The following ITGA8 variants were observed in gnomAD, a reference collection of about 807,000 sequenced individuals.
ITGA8 encodes the protein integrin subunit alpha 8, also known as integrin alpha-8.
In ITGA8, 91 loss-of-function variants were observed where a neutral mutation model predicts 142.3. That is an observed-to-expected ratio of 0.64 (90% CI 0.54 to 0.76). The LOEUF (loss-of-function observed/expected upper bound fraction) is 0.76, where lower values mean the gene tolerates loss of function less well. Ranked by LOEUF, ITGA8 falls within the 30% of genes least tolerant of loss-of-function variation. The pLI is 0.00. For synonymous variants in ITGA8, 505 were observed against 485.2 expected (o/e 1.04, Z -0.54); for missense variants, 1,406 against 1,327.7 (o/e 1.06, Z -0.92).
chr10:15,678,757 A>G lies in ITGA8; in HGVS notation c.595T>C (p.Tyr199His), dbSNP rs200196309. The G allele has an allele frequency of 2.5e-6, 4 of 1,610,686 alleles. No homozygotes were observed. In the East Asian group the frequency reaches 6.7e-5, roughly 27 times the overall value. ...NSNADPEGQG[Y>H]CQAGFSLDFY... ...TCCAGACTAAATCCTGCTTGGCAGTAACCCTGGCCTTCCGGATCAGCATTG... is the reference window on the plus strand; with the variant it reads ...TCCAGACTAAATCCTGCTTGGCAGTGACCCTGGCCTTCCGGATCAGCATTG... Residue 199 changes from tyrosine to histidine, a missense_variant, in exon 5 of 30, where the codon TAC becomes CAC. Physicochemically the swap from Tyr to His is moderately conservative, Grantham distance 83. Transcript: ENST00000378076.
At chr10:15,606,702 C>T (rs753379128) in intron 17 of ITGA8, among the ~76,000 whole-genome samples, 1 of 152,108 alleles carries the variant, frequency 6.6e-6, no homozygotes, top group African/African-American at 2.4e-5. Context: ...TCATGCAGAA[C>T]TGGTCAAGTT....
chr10:15,562,799 C>T (rs373384052), intron 25 of ITGA8, among the ~76,000 whole-genome samples: 4 of 152,156 alleles, frequency 2.6e-5, no homozygotes, highest in African/African-American at 4.8e-5. Flanking sequence ...AGAACCATGG[C>T]AGAGCCTGGC....
At chr10:15,670,084 C>T (rs1234706513) in intron 8 of ITGA8, among the ~76,000 whole-genome samples, 1 of 152,218 alleles carries the variant, frequency 6.6e-6, no homozygotes, top group East Asian at 1.9e-4. Context: ...GTCGCTCATG[C>T]TGGGAGCTGT....
chr10:15,637,509 T>TG (rs1833792236), intron 13 of ITGA8, among the ~76,000 whole-genome samples: 1 of 142,572 alleles, frequency 7.0e-6, no homozygotes, highest in African/African-American at 2.5e-5. Context: ...TTTAAATTTT[T>TG]TTTTTTTTTT....
chr10:15,707,805 A>G (rs1835287088), intron 2 of ITGA8, among the ~76,000 whole-genome samples: 1 of 151,188 alleles, frequency 6.6e-6, no homozygotes, highest in Non-Finnish European at 1.5e-5. Context: ...CCTCGGTGAC[A>G]GAGTGAGTTT....
intron 13 of ITGA8, among the ~76,000 whole-genome samples, chr10:15,628,819 A>C (rs1013066167): frequency 5.9e-5 from 9 of 151,946 alleles, no homozygotes; most frequent in African/African-American, 2.2e-4. Context: ...TGTGTATCAA[A>C]ATATCTCATG....
chr10:15,667,219 A>G (rs1214689284), intron 8 of ITGA8, among the ~76,000 whole-genome samples: 1 of 152,152 alleles, frequency 6.6e-6, no homozygotes, highest in Admixed American at 6.5e-5. Flanking sequence ...CTATTCAGAG[A>G]TTCAACTTCT....
chr10:15,613,713 G>A lies in ITGA8; in HGVS notation c.1500C>T (p.Ile500=). The A allele has an allele frequency of 6.2e-7, 1 of 1,614,166 alleles. No homozygotes were observed. The highest frequency in any genetic ancestry group is 8.5e-7 in the Non-Finnish European group (1 of 1,180,000). ...DAQLLLHPMI[I]NLENKTCQVP... ...CCTGGCAAGTTTTATTTTCAAGATT[G>A]ATAATCATTGGGTGCAGCAGAAGCT... Residue 500 remains isoleucine (I), a synonymous_variant, in exon 15 of 30, where the codon ATC becomes ATT. Coordinates refer to ENST00000378076, the MANE Select transcript of ITGA8 (RefSeq NM_003638.3).
At chr10:15,645,790 A>G (rs1003595975) in intron 12 of ITGA8, among the ~76,000 whole-genome samples, 8 of 152,134 alleles carry the variant, frequency 5.3e-5, no homozygotes, top group African/African-American at 1.9e-4. Context: ...AAATGCATAC[A>G]TTTTCAGGTC....
intron 27 of ITGA8, among the ~76,000 whole-genome samples, chr10:15,539,871 TG>T (rs1833533015): frequency 1.3e-5 from 2 of 152,184 alleles, no homozygotes; most frequent in Non-Finnish European, 2.9e-5. Context: ...GTGTCAAGGG[TG>T]GGGCCGGGTG....
intron 11 of ITGA8, among the ~76,000 whole-genome samples, chr10:15,647,663 C>T (rs961500901): frequency 1.5e-4 from 22 of 151,548 alleles, no homozygotes; most frequent in African/African-American, 5.3e-4. Context: ...GGGGTTTCAC[C>T]TTGTTAGCCA....
intron 27 of ITGA8, among the ~76,000 whole-genome samples, chr10:15,532,686 T>C (rs1213131098): frequency 6.6e-6 from 1 of 151,964 alleles, no homozygotes; most frequent in Non-Finnish European, 1.5e-5. Flanking sequence ...TGGTTCGATC[T>C]ACCCAGTGCT....
At chr10:15,632,112 A>G (rs574777699) in intron 13 of ITGA8, among the ~76,000 whole-genome samples, 38 of 151,944 alleles carry the variant, frequency 2.5e-4, no homozygotes, top group Non-Finnish European at 2.5e-4. Context: ...AATAATAAGG[A>G]TTTATTACTT....
chr10:15,553,613 T>C (rs1219819339), intron 26 of ITGA8, among the ~76,000 whole-genome samples: 1 of 152,210 alleles, frequency 6.6e-6, no homozygotes, highest in Admixed American at 6.5e-5. Flanking sequence ...AGTAAAACTC[T>C]TGAAAACTTC....
chr10:15,656,600 G>C (rs149627478), intron 10 of ITGA8, among the ~76,000 whole-genome samples: 1,707 of 152,168 alleles, frequency 0.011, 25 homozygotes, highest in African/African-American at 0.038. Flanking sequence ...CTGACCTCAG[G>C]TGATCCACCC....
chr10:15,719,193 C>T lies in ITGA8; in HGVS notation c.210-294G>A, dbSNP rs141402744. Among the ~76,000 whole-genome samples the T allele has an allele frequency of 1.9e-4, 29 of 152,240 alleles. 1 individual carries two copies. In the East Asian group the frequency reaches 5.6e-3, roughly 29 times the overall value. On this transcript the variant is annotated intron_variant, in intron 1 of 29. Coordinates refer to ENST00000378076, the MANE Select transcript of ITGA8 (RefSeq NM_003638.3). The stretch of plus-strand genomic sequence containing the variant: ...AGGACAGAGCCCAGCTGCTGGTAGC[C>T]GACAGCTCTTGCGCCCAGACGCAAT...
chr10:15,547,923 C>A (rs1045590677), intron 27 of ITGA8, among the ~76,000 whole-genome samples: 1 of 152,158 alleles, frequency 6.6e-6, no homozygotes, highest in Non-Finnish European at 1.5e-5. Flanking sequence ...CTGATCTATT[C>A]TCAAGGTCTT....
At chr10:15,651,146 T>C (rs1255734322) in intron 11 of ITGA8, among the ~76,000 whole-genome samples, 1 of 152,050 alleles carries the variant, frequency 6.6e-6, no homozygotes, top group African/African-American at 2.4e-5. Flanking sequence ...AAATTGTAAT[T>C]CAGTGAATTT....
At chr10:15,708,985 G>A (rs1047159449) in intron 2 of ITGA8, among the ~76,000 whole-genome samples, 9 of 152,134 alleles carry the variant, frequency 5.9e-5, no homozygotes, top group Non-Finnish European at 8.8e-5. Flanking sequence ...CCAAAGATAC[G>A]AGGTTGTTTC....
Sources: gnomAD v4.1 joint callset for allele counts (sites outside exome capture counted in the v4.1 genomes callset) on GRCh38, gnomAD v4.1.1 for gene constraint, MANE v1.5 for transcripts, NCBI Gene and HGNC (gene_info 2026-07-23, HGNC 2026-07-21) for gene names.